STIMATE: variants seen among roughly 807,000 people sequenced by gnomAD.
The protein encoded by STIMATE is STIM activating enhancer.
A neutral mutation model predicts 36.7 loss-of-function variants in STIMATE; 15 were observed. That is an observed-to-expected ratio of 0.41 (90% CI 0.27 to 0.63). STIMATE has a LOEUF of 0.63. Ranked by LOEUF, STIMATE falls within the 20% of genes least tolerant of loss-of-function variation. The pLI, the probability that STIMATE is intolerant of heterozygous loss-of-function variation, is 0.32. For missense variants in STIMATE, 305 were observed against 397.3 expected, an observed-to-expected ratio of 0.77 and a Z score of 1.98; for synonymous variants, 163 against 162.3, an observed-to-expected ratio of 1.00 and a Z score of -0.03.
At chr3:52,860,193 C>G (rs1176844638) in intron 1 of STIMATE, among the ~76,000 whole-genome samples, 7 of 150,564 alleles carry the variant, frequency 4.6e-5, no homozygotes, top group African/African-American at 1.7e-4. Flanking sequence ...TGCTGTGTGA[C>G]AAGCCCCATT....
intron 1 of STIMATE, among the ~76,000 whole-genome samples, chr3:52,886,853 T>C (rs1033076475): frequency 6.6e-6 from 1 of 152,216 alleles, no homozygotes; most frequent in Non-Finnish European, 1.5e-5. Context: ...GAGTAGGCCA[T>C]GGCATCACGT....
chr3:52,858,800 C>T (rs373866237), intron 1 of STIMATE, among the ~76,000 whole-genome samples: 3 of 152,032 alleles, frequency 2.0e-5, no homozygotes, highest in Non-Finnish European at 2.9e-5. Flanking sequence ...TGATGCCTGT[C>T]GGTATGGGGT....
intron 5 of STIMATE, 70 bp downstream of exon 5, chr3:52,844,759 G>A (rs1700864933): frequency 1.3e-6 from 2 of 1,567,620 alleles, no homozygotes; most frequent in African/African-American, 1.4e-5. Context: ...GTTGGCGTAT[G>A]TGGGTGATGG....
intron 2 of STIMATE, among the ~76,000 whole-genome samples, chr3:52,853,094 G>C (rs1371961386): frequency 6.6e-6 from 1 of 152,190 alleles, no homozygotes; most frequent in Non-Finnish European, 1.5e-5. Flanking sequence ...ACTGCAGCTG[G>C]ATCCCTAAAG....
At chr3:52,879,804 C>T (rs1701571600) in intron 1 of STIMATE, among the ~76,000 whole-genome samples, 1 of 152,144 alleles carries the variant, frequency 6.6e-6, no homozygotes. Flanking sequence ...GGTAAGCACC[C>T]CAAGGCATGA....
intron 1 of STIMATE, among the ~76,000 whole-genome samples, chr3:52,892,733 A>G (rs1467646003): frequency 6.6e-6 from 1 of 152,242 alleles, no homozygotes; most frequent in Admixed American, 6.5e-5. Context: ...GGGAAGATGT[A>G]CCTTTACGAG....
In STIMATE at chr3:52,836,764, C is replaced by A; in HGVS notation, c.*3730G>T. On this transcript the variant is annotated 3_prime_UTR_variant, in exon 8 of 8. Transcript: ENST00000355083. Reference sequence around the variant, plus strand: ...TTTAAAAAAAACTGTAATAAGATGCCAAACTTTATTGTAAACCATTTTACA... The same window carrying A: ...TTTAAAAAAAACTGTAATAAGATGCAAAACTTTATTGTAAACCATTTTACA... 2.8e-6 allele frequency: 1 copy of A among 354,312 alleles called. No homozygotes were observed. 21.9% of individuals were successfully genotyped at this position (354,312 alleles called of 1,614,324 possible). A position where few individuals can be genotyped will look rare whatever the true frequency, so the allele number is the denominator to read the frequency against.
At chr3:52,867,467 C>T (rs980566842) in intron 1 of STIMATE, among the ~76,000 whole-genome samples, 3 of 152,224 alleles carry the variant, frequency 2.0e-5, no homozygotes, top group Non-Finnish European at 4.4e-5. Context: ...TGAGCTCATA[C>T]GCCATAAGCC....
Position 52,837,332 on chromosome 3 carries a change from T to G in STIMATE, c.*3162A>C, listed in dbSNP as rs959276641. 6.6e-6 allele frequency: 1 copy of G among 152,294 alleles called. No homozygotes were observed. The highest frequency in any genetic ancestry group is 2.4e-5 in the African/African-American group (1 of 41,464). 9.4% of individuals were successfully genotyped at this position (152,294 alleles called of 1,614,324 possible). A position where few individuals can be genotyped will look rare whatever the true frequency, so the allele number is the denominator to read the frequency against. On this transcript the variant is annotated 3_prime_UTR_variant, in exon 8 of 8. Coordinates refer to ENST00000355083, the MANE Select transcript of STIMATE (RefSeq NM_198563.5). ...ACACTGTCTAAGGGAAGTCACAGCT[T>G]GGATTTGAGCCTTTTAATATTTTCC...
chr3:52,882,023 T>G (rs1161651888), intron 1 of STIMATE, among the ~76,000 whole-genome samples: 1 of 152,256 alleles, frequency 6.6e-6, no homozygotes. Flanking sequence ...CATTTACTAT[T>G]GGCTGCGTAG....
intron 1 of STIMATE, among the ~76,000 whole-genome samples, chr3:52,876,004 G>T (rs976851249): frequency 2.7e-4 from 41 of 152,304 alleles, no homozygotes; most frequent in African/African-American, 9.9e-4. Flanking sequence ...TACCATCAAA[G>T]ACAGCCTCCT....
rs562405775 is a variant in STIMATE at position 52,888,095 on chromosome 3, A to C, written c.160+9196T>G. 3.5e-4 allele frequency among the ~76,000 whole-genome samples: 52 copies of C among 149,142 alleles called. No individual in the cohort carries two copies. In the South Asian group the frequency reaches 0.011, roughly 31 times the overall value. On this transcript the variant is annotated intron_variant, in intron 1 of 7. Transcript: ENST00000355083. ...CCAGGGCTCTTGACAGAAAAAAAAC[A>C]CTTGAATCTCCCTACACTATGTCTT...
rs1701075332 is a variant in STIMATE, at chr3:52,855,426, G to T, written c.179C>A (p.Pro60Gln). 6.2e-7 allele frequency: 1 copy of T among 1,607,216 alleles called. No homozygotes were observed. The highest frequency in any genetic ancestry group is 1.4e-5 in the African/African-American group (1 of 73,822). Residue 60 changes from proline to glutamine, a missense_variant, in exon 2 of 8, where the codon CCA becomes CAA. Pro to Gln is a moderately conservative substitution (Grantham distance 76, BLOSUM62 -1). Transcript: ENST00000355083. Reference protein sequence around the residue: ...STLMLKRFREPKHERRPWRIW... With the variant: ...STLMLKRFREQKHERRPWRIW... ...CCTCCACGGACGTCTTTCATGCTTT[G>T]GTTCTCTGAAGCGTTTGACTGAAAG... is the stretch of plus-strand genomic sequence containing the variant.
At chr3:52,854,474 G>A (rs1256270630) in intron 2 of STIMATE, among the ~76,000 whole-genome samples, 4 of 152,192 alleles carry the variant, frequency 2.6e-5, no homozygotes, top group South Asian at 2.1e-4. Flanking sequence ...GAGCGCTTCC[G>A]GGCTGGTGAA....
intron 1 of STIMATE, among the ~76,000 whole-genome samples, chr3:52,880,692 G>A (rs1390153318): frequency 3.3e-5 from 5 of 152,166 alleles, no homozygotes; most frequent in African/African-American, 1.2e-4. Flanking sequence ...AGGAGGTACT[G>A]AAACAAAGCC....
intron 1 of STIMATE, among the ~76,000 whole-genome samples, chr3:52,874,501 T>G (rs1701466072): frequency 6.6e-6 from 1 of 152,222 alleles, no homozygotes; most frequent in African/African-American, 2.4e-5. Flanking sequence ...AACTTTCACT[T>G]TCTATGCTAT....
In STIMATE at chr3:52,837,173, A is replaced by T. The variant is rs1203980852; in HGVS notation, c.*3321T>A. 2 of 153,630 alleles carry T rather than the reference A, an allele frequency of 1.3e-5. No individual in the cohort carries two copies. The highest frequency in any genetic ancestry group is 2.9e-5 in the Non-Finnish European group (2 of 69,018). The allele number at this position is 153,630 out of a possible 1,614,324, so 9.5% of individuals were successfully genotyped here. ...CTCTGGCCAGTGGGAAGCTCCTTGC[A>T]CTGCCTATCTTAGCCTGGCTGCGAA... is the stretch of plus-strand genomic sequence containing the variant. On this transcript the variant is annotated 3_prime_UTR_variant, in exon 8 of 8. Coordinates refer to ENST00000355083, the MANE Select transcript of STIMATE (RefSeq NM_198563.5).
chr3:52,895,895 C>T (rs1281309988), intron 1 of STIMATE: 1 of 1,289,802 alleles, frequency 7.8e-7, no homozygotes. Context: ...TGAAAACACA[C>T]ACGTACAGTA....
intron 1 of STIMATE, among the ~76,000 whole-genome samples, chr3:52,866,372 G>A (rs540763938): frequency 3.3e-5 from 5 of 152,306 alleles, no homozygotes; most frequent in Admixed American, 1.3e-4. Flanking sequence ...ACCGTCTACC[G>A]CCTTGAGGGG....
Sources: allele counts gnomAD v4.1 joint callset (sites outside exome capture counted in the v4.1 genomes callset), GRCh38; gene constraint gnomAD v4.1.1; transcripts MANE v1.5; gene names NCBI Gene and HGNC (gene_info 2026-07-23, HGNC 2026-07-21).